The following LCN12 variants were observed in gnomAD, a reference collection of about 807,000 sequenced individuals.
The protein encoded by LCN12 is epididymal-specific lipocalin-12.
LCN12 carries 15 observed loss-of-function variants against 23.7 expected under a neutral mutation model. That is an observed-to-expected ratio of 0.63 (90% CI 0.42 to 0.97). The LOEUF is 0.97. Among genes scored for constraint, LCN12 ranks in the 50% least tolerant of loss-of-function variants. The probability of loss-of-function intolerance (pLI) is 0.00; values close to 1 mark genes in which losing one functional copy is unlikely to be tolerated. For synonymous variants in LCN12, 116 were observed against 111.5 expected (o/e 1.04, Z -0.25); for missense variants, 219 against 249.6 (o/e 0.88, Z 0.83).
At chr9:136,955,037 C>T (rs569331004) in intron 5 of LCN12, 14 of 1,391,080 alleles carry the variant, frequency 1.0e-5, no homozygotes, top group East Asian at 2.7e-5. Context: ...CACAGGCACA[C>T]GTGCTGGTCT....
In LCN12 at chr9:136,955,443, G is replaced by A. The variant is rs1486202675; in HGVS notation, c.*44G>A. On this transcript the variant is annotated 3_prime_UTR_variant, in exon 6 of 6. Coordinates refer to ENST00000371633, the MANE Select transcript of LCN12 (RefSeq NM_178536.4). ...TCCGGCCCAGCCCTGCCTCACAGCT[G>A]TGCGAGCTCTGCCCTCCTCAGCTCT... The A allele has an allele frequency of 1.3e-6, 2 of 1,586,010 alleles. No individual in the cohort carries two copies. Among genetic ancestry groups the A allele is most frequent in the Non-Finnish European group, 1.7e-6 (2 of 1,155,908 alleles).
At position 136,953,871 on chromosome 9, in the gene LCN12, A is replaced by G. The variant is rs1851240471; in HGVS notation, c.355A>G (p.Thr119Ala). 3.1e-6 allele frequency: 5 copies of G among 1,604,336 alleles called. No individual in the cohort carries two copies. The highest frequency in any genetic ancestry group is 1.7e-5 in the Admixed American group (1 of 58,556). Reference sequence around the variant, plus strand: ...AGAGCCCGGGGCGGACAGAGAGGAGACCCGGGTGGTGGACAGCGACTACAC... The same window carrying G: ...AGAGCCCGGGGCGGACAGAGAGGAGGCCCGGGTGGTGGACAGCGACTACAC... ...GVEPGADREE[T>A]RVVDSDYTQF... is the part of the protein sequence containing the mutation. Residue 119 changes from threonine (T) to alanine (A), a missense_variant, in exon 4 of 6, where the codon ACC (threonine) becomes GCC (alanine). Thr to Ala is a moderately conservative substitution (Grantham distance 58). Transcript: ENST00000371633.
Position 136,953,961 on chromosome 9 carries a change from C to T in LCN12, c.445C>T (p.Leu149=). 4 of 1,608,478 alleles carry T rather than the reference C, an allele frequency of 2.5e-6. No homozygotes were observed. Among genetic ancestry groups the T allele is most frequent in the Non-Finnish European group, 3.4e-6 (4 of 1,179,538 alleles). ...GCTGGCCGTCCTCAGGATCAGCCTG[C>T]TGGGTGAGCCTCCCACCCCGTCCTG... is the stretch of plus-strand genomic sequence containing the variant. ...SRLAVLRISL[L]GRSWLLPPGT... Residue 149 remains leucine, a synonymous_variant, in exon 4 of 6, where the codon CTG becomes TTG. Transcript: ENST00000371633.
chr9:136,950,504 T>A (rs1025708766), upstream of LCN12, among the ~76,000 whole-genome samples: 10 of 151,994 alleles, frequency 6.6e-5, no homozygotes, highest in Admixed American at 1.3e-4. Context: ...ATGGGCGGGG[T>A]CCGTAGCGGG....
In LCN12 at chr9:136,952,334, C is replaced by T. The variant is rs774922616; in HGVS notation, c.7C>T (p.Leu3=). The part of the protein sequence containing the change: MR[L]LCGLWLWLSL... ...GGGCCCAGCAGCTGCCAGGATGAGG[C>T]TGCTGTGTGGCCTGTGGCTGTGGCT... is the stretch of plus-strand genomic sequence containing the variant. The change falls in exon 1 of 6, where the codon CTG becomes TTG. Residue 3 remains leucine, a synonymous_variant. Transcript: ENST00000371633. 1.9e-6 allele frequency: 3 copies of T among 1,610,032 alleles called. No homozygotes were observed. The South Asian group carries it at 3.3e-5, about 18-fold the overall frequency.
At chr9:136,954,670 G>A (rs1851278895) in intron 5 of LCN12, 4 of 1,259,776 alleles carry the variant, frequency 3.2e-6, no homozygotes, top group Non-Finnish European at 4.2e-6. Context: ...CCTGTCCTGG[G>A]CCACCTCCTC....
At chr9:136,955,016 G>C in intron 5 of LCN12, 4 of 1,369,254 alleles carry the variant, frequency 2.9e-6, no homozygotes, top group Non-Finnish European at 3.8e-6. Flanking sequence ...CACACATGCT[G>C]TCTACCCGTG....
chr9:136,949,857 G>C (rs1372449586), upstream of LCN12, among the ~76,000 whole-genome samples: 2 of 152,170 alleles, frequency 1.3e-5, no homozygotes, highest in African/African-American at 2.4e-5. Flanking sequence ...TTTCCCTCCC[G>C]CCTCTCAAGG....
chr9:136,954,700 A>T (rs969521503), intron 5 of LCN12: 4 of 1,290,024 alleles, frequency 3.1e-6, no homozygotes, highest in Non-Finnish European at 4.0e-6. Flanking sequence ...ATCCCTGCTC[A>T]CAAGGAGCTT....
upstream of LCN12, chr9:136,951,361 C>T (rs951268271): frequency 1.3e-5 from 2 of 152,438 alleles, no homozygotes; most frequent in Non-Finnish European, 2.9e-5. Flanking sequence ...TAAAGCAATC[C>T]TCCCACCTCA....
chr9:136,953,250 C>CAG (rs1851210972), intron 2 of LCN12, among the ~76,000 whole-genome samples: 1 of 150,210 alleles, frequency 6.7e-6, no homozygotes, highest in African/African-American at 2.4e-5. Flanking sequence ...GCCGGGTGCG[C>CAG]TGGCTCACAC....
At chr9:136,950,029 C>A (rs552563819), upstream of LCN12, among the ~76,000 whole-genome samples, 1 of 151,764 alleles carries the variant, frequency 6.6e-6, no homozygotes, top group South Asian at 2.1e-4. Flanking sequence ...AGCCAGGACT[C>A]CCCCGGGAGC....
At chr9:136,954,715 T>A in intron 5 of LCN12, 1 of 1,291,504 alleles carries the variant, frequency 7.7e-7, no homozygotes, top group Non-Finnish European at 1.0e-6. Context: ...GAGCTTGGAC[T>A]CATCCCAGGA....
upstream of LCN12, among the ~76,000 whole-genome samples, chr9:136,950,733 T>C (rs1191084118): frequency 2.0e-5 from 3 of 152,152 alleles, no homozygotes; most frequent in Non-Finnish European, 4.4e-5. Context: ...TTTCCTTCCC[T>C]GGGCCAGCCT....
intron 5 of LCN12, chr9:136,955,071 C>T: frequency 1.4e-6 from 2 of 1,406,956 alleles, no homozygotes; most frequent in Non-Finnish European, 9.2e-7. Flanking sequence ...CACACCTGCA[C>T]ACTCGCTATG....
At chr9:136,955,284 C>T in intron 5 of LCN12, 87 bp from the exon 6 acceptor site, 1 of 1,549,198 alleles carries the variant, frequency 6.5e-7, no homozygotes. Flanking sequence ...GCCACCTGCC[C>T]CTCCTTTGTG....
intron 2 of LCN12, chr9:136,953,363 TTGGGGG>T: frequency 4.3e-5 from 4 of 92,444 alleles, no homozygotes; most frequent in Admixed American, 1.3e-4. Flanking sequence ...TCCTAGCACT[TTGGGGG>T]CCGGGCGCGG....
At chr9:136,950,685 T>C (rs1219335033), upstream of LCN12, among the ~76,000 whole-genome samples, 2 of 152,156 alleles carry the variant, frequency 1.3e-5, no homozygotes, top group Admixed American at 6.5e-5. Context: ...CGAAGGCGCC[T>C]TGGGGAGTTC....
chr9:136,955,855 C>CAT (rs1851310751), downstream of LCN12, among the ~76,000 whole-genome samples: 1 of 152,206 alleles, frequency 6.6e-6, no homozygotes, highest in East Asian at 1.9e-4. Context: ...CGGAAACACT[C>CAT]AGACCCCGAG....
Sources: allele counts gnomAD v4.1 joint callset (sites outside exome capture counted in the v4.1 genomes callset), GRCh38; gene constraint gnomAD v4.1.1; transcripts MANE v1.5; gene names NCBI Gene and HGNC (gene_info 2026-07-23, HGNC 2026-07-21).